NAV2: variants seen among roughly 807,000 people sequenced by gnomAD.
NAV2 encodes the protein helicase, APC down-regulated 1.
Under a neutral mutation model 223.2 loss-of-function variants are expected in NAV2, and 54 were observed. That is an observed-to-expected ratio of 0.24 (90% CI 0.19 to 0.30). The LOEUF (loss-of-function observed/expected upper bound fraction) is 0.30. Ranked by LOEUF, NAV2 falls within the 10% of genes least tolerant of loss-of-function variation. NAV2 has a pLI of 1.00. For synonymous variants in NAV2, 1,279 were observed against 1,239.3 expected, an observed-to-expected ratio of 1.03 and a Z score of -0.67; for missense variants, 2,806 against 3,147.5, an observed-to-expected ratio of 0.89 and a Z score of 2.60.
chr11:19,990,157 A>G (rs1591558199), intron 11 of NAV2, among the ~76,000 whole-genome samples: 1 of 152,290 alleles, frequency 6.6e-6, no homozygotes, highest in Non-Finnish European at 1.5e-5. Flanking sequence ...GACTTCAAGG[A>G]AAAGGTCCTT....
At chr11:19,912,740 C>T (rs1006659880) in intron 6 of NAV2, among the ~76,000 whole-genome samples, 6 of 152,216 alleles carry the variant, frequency 3.9e-5, no homozygotes, top group African/African-American at 1.4e-4. Context: ...CAGCTAACCC[C>T]TCTGAGGAAC....
intron 1 of NAV2, among the ~76,000 whole-genome samples, chr11:19,782,577 T>C (rs1225768079): frequency 6.6e-6 from 1 of 152,124 alleles, no homozygotes; most frequent in East Asian, 1.9e-4. Flanking sequence ...CCAGAAGGCA[T>C]GTGGCTAAGC....
chr11:19,478,297 G>A (rs2042178321), intron 1 of NAV2, among the ~76,000 whole-genome samples: 1 of 152,118 alleles, frequency 6.6e-6, no homozygotes, highest in Non-Finnish European at 1.5e-5. Flanking sequence ...AAGTGAAGGG[G>A]AGTCCCAGTC....
chr11:20,032,073 A>G (rs1274538646), intron 11 of NAV2, among the ~76,000 whole-genome samples: 1 of 152,224 alleles, frequency 6.6e-6, no homozygotes, highest in Non-Finnish European at 1.5e-5. Flanking sequence ...CTTTATGTCA[A>G]GATGAACTTG....
chr11:19,842,386 C>T (rs2060555307), intron 2 of NAV2, among the ~76,000 whole-genome samples: 1 of 152,134 alleles, frequency 6.6e-6, no homozygotes, highest in African/African-American at 2.4e-5. Flanking sequence ...TTTGCCACTG[C>T]TTTGGGAATA....
chr11:19,557,637 C>T (rs1590518008), intron 1 of NAV2, among the ~76,000 whole-genome samples: 1 of 152,232 alleles, frequency 6.6e-6, no homozygotes, highest in African/African-American at 2.4e-5. Flanking sequence ...CGTAGACACA[C>T]TTCAACTTGA....
At chr11:19,897,886 T>TTTTATATATATATATATATATATA (rs144642336) in intron 6 of NAV2, among the ~76,000 whole-genome samples, 7 of 120,682 alleles carry the variant, frequency 5.8e-5, no homozygotes, top group South Asian at 6.3e-4. Context: ...GACCTGTGAT[T>TTTTATATATATATATATATATATA]TATATATATA....
chr11:19,830,081 C>T (rs113614148), intron 1 of NAV2, among the ~76,000 whole-genome samples: 15,102 of 152,008 alleles, frequency 0.099, 880 homozygotes, highest in East Asian at 0.23. Flanking sequence ...AAAAATTAGC[C>T]AAGCGTGGTG....
At chr11:19,968,863 C>T (rs1321900423) in intron 10 of NAV2, among the ~76,000 whole-genome samples, 1 of 152,158 alleles carries the variant, frequency 6.6e-6, no homozygotes. Flanking sequence ...TGTCTTTCCC[C>T]CCAGAGTGCT....
intron 1 of NAV2, among the ~76,000 whole-genome samples, chr11:19,748,595 G>A (rs1237193066): frequency 6.6e-6 from 1 of 152,236 alleles, no homozygotes; most frequent in Non-Finnish European, 1.5e-5. Flanking sequence ...CTAGCATGGT[G>A]CCTGGCACAG....
At chr11:19,394,946 A>T (rs932467765) in intron 1 of NAV2, among the ~76,000 whole-genome samples, 3 of 152,234 alleles carry the variant, frequency 2.0e-5, no homozygotes, top group Non-Finnish European at 4.4e-5. Flanking sequence ...ATAATCCCGT[A>T]AAGCCCAAAA....
At chr11:19,382,346 G>A (rs963566080) in intron 1 of NAV2, among the ~76,000 whole-genome samples, 23 of 152,160 alleles carry the variant, frequency 1.5e-4, no homozygotes, top group Non-Finnish European at 7.3e-5. Context: ...TGCTGAATGA[G>A]AGCCTGGAAT....
chr11:20,075,249 C>T (rs2059657709), intron 22 of NAV2, among the ~76,000 whole-genome samples: 1 of 149,792 alleles, frequency 6.7e-6, no homozygotes, highest in Non-Finnish European at 1.5e-5. Context: ...GACAGAGTCT[C>T]ATCCCGCTCT....
At chr11:19,697,344 A>G (rs10766582) in intron 1 of NAV2, among the ~76,000 whole-genome samples, 104,491 of 151,834 alleles carry the variant, frequency 0.69, 38,653 homozygotes, top group Middle Eastern at 0.82. Flanking sequence ...TTTGGCCTGG[A>G]TGATGGGATC....
At chr11:19,617,650 T>A (rs1332693455) in intron 1 of NAV2, among the ~76,000 whole-genome samples, 1 of 152,162 alleles carries the variant, frequency 6.6e-6, no homozygotes, top group African/African-American at 2.4e-5. Flanking sequence ...AGGGTACCAC[T>A]TAGGTAAGGT....
intron 19 of NAV2, chr11:20,056,712 A>G: frequency 1.2e-6 from 1 of 865,542 alleles, no homozygotes; most frequent in Non-Finnish European, 2.0e-6. Context: ...GGCAATGCTC[A>G]TTAACCAATG....
chr11:19,868,788 C>A, intron 3 of NAV2, 137 bp from the exon 4 acceptor site: 2 of 736,006 alleles, frequency 2.7e-6, no homozygotes, highest in Non-Finnish European at 4.4e-6. Context: ...CAAGTACAGA[C>A]AAAAGAGAGT....
At chr11:20,006,317 G>A (rs1281818606) in intron 11 of NAV2, among the ~76,000 whole-genome samples, 2 of 152,154 alleles carry the variant, frequency 1.3e-5, no homozygotes, top group East Asian at 1.9e-4. Context: ...CAGCCTGGGG[G>A]TGGTAGCAGA....
intron 2 of NAV2, among the ~76,000 whole-genome samples, chr11:19,841,806 A>G (rs2060527517): frequency 6.6e-6 from 1 of 152,190 alleles, no homozygotes; most frequent in African/African-American, 2.4e-5. Flanking sequence ...GACAATTTTT[A>G]TATACAATAC....
Sources: gnomAD v4.1 joint callset for allele counts (sites outside exome capture counted in the v4.1 genomes callset) on GRCh38, gnomAD v4.1.1 for gene constraint, MANE v1.5 for transcripts, NCBI Gene and HGNC (gene_info 2026-07-23, HGNC 2026-07-21) for gene names.